The following GBF1 variants were observed in gnomAD, a reference collection of about 807,000 sequenced individuals.
The protein encoded by GBF1 is Golgi-specific brefeldin A-resistance guanine nucleotide exchange factor 1.
Under a neutral mutation model 210.5 loss-of-function variants are expected in GBF1, and 114 were observed. The observed-to-expected ratio is 0.54, with a 90% CI of 0.47 to 0.63. GBF1 has a LOEUF of 0.63. Ranked by LOEUF, GBF1 falls within the 30% of genes least tolerant of loss-of-function variation. The pLI is 0.00. For missense variants in GBF1, 1,851 were observed against 2,357.7 expected, an observed-to-expected ratio of 0.79 and a Z score of 4.45; for synonymous variants, 850 against 889.2, an observed-to-expected ratio of 0.96 and a Z score of 0.78.
At chr10:102,280,228 G>A (rs1412300656) in intron 3 of GBF1, among the ~76,000 whole-genome samples, 2 of 152,132 alleles carry the variant, frequency 1.3e-5, no homozygotes, top group African/African-American at 4.8e-5. Flanking sequence ...CTTGGGGATG[G>A]GGAGGCAAGG....
chr10:102,245,163 T>TC (rs2070698333), upstream of GBF1, among the ~76,000 whole-genome samples: 1 of 152,182 alleles, frequency 6.6e-6, no homozygotes, highest in African/African-American at 2.4e-5. Flanking sequence ...GCTCAAGTTC[T>TC]CAAAGCGGAC....
At chr10:102,298,189 TCCCAA>T (rs2077059812) in intron 3 of GBF1, among the ~76,000 whole-genome samples, 1 of 152,086 alleles carries the variant, frequency 6.6e-6, no homozygotes, top group African/African-American at 2.4e-5. Context: ...CGCCTCAGCC[TCCCAA>T]AGTGCTGAGA....
chr10:102,308,252 A>C (rs2078098078), intron 3 of GBF1, among the ~76,000 whole-genome samples: 1 of 152,054 alleles, frequency 6.6e-6, no homozygotes, highest in Non-Finnish European at 1.5e-5. Context: ...TCAGAAATAA[A>C]ATGGATAAGT....
rs779166066 is a variant in GBF1, at chr10:102,358,026, AT to A, written c.640-12del. On this transcript the variant is annotated splice_polypyrimidine_tract_variant and intron_variant, in intron 8 of 39. Transcript: ENST00000369983. Reference sequence around the variant, plus strand: ...GTTTGAATACCATTGCTAATGGGGTATGATATTTCCAGCTGAAAATGAGAGC... The same window carrying A: ...GTTTGAATACCATTGCTAATGGGGTAGATATTTCCAGCTGAAAATGAGAGC... The A allele has an allele frequency of 2.1e-5, 33 of 1,559,218 alleles. No homozygotes were observed. The highest frequency in any genetic ancestry group is 2.7e-5 in the Non-Finnish European group (31 of 1,130,018).
chr10:102,378,649 G>T (rs2060653934), intron 33 of GBF1, among the ~76,000 whole-genome samples: 1 of 151,834 alleles, frequency 6.6e-6, no homozygotes, highest in African/African-American at 2.4e-5. Context: ...AATAAAATAA[G>T]AAATAAAATT....
At chr10:102,286,861 A>G (rs2133563486) in intron 3 of GBF1, among the ~76,000 whole-genome samples, 1 of 133,120 alleles carries the variant, frequency 7.5e-6, no homozygotes, top group South Asian at 2.9e-4. Flanking sequence ...ATGTGAGACG[A>G]CACCCTTACA....
At chr10:102,306,414 T>C (rs1215140064) in intron 3 of GBF1, among the ~76,000 whole-genome samples, 1 of 152,148 alleles carries the variant, frequency 6.6e-6, no homozygotes, top group Non-Finnish European at 1.5e-5. Context: ...GGAGGGACTG[T>C]CTCTTTATTT....
At chr10:102,369,825 T>C (rs751945045) in intron 25 of GBF1, 36 bp from the exon 26 acceptor site, 17 of 1,614,070 alleles carry the variant, frequency 1.1e-5, no homozygotes, top group Non-Finnish European at 1.4e-5. Flanking sequence ...AGTCAGAACT[T>C]TGGGGCTCAC....
rs1222021330 is a variant in GBF1, at chr10:102,381,103, ATCTCAAT to A, written c.5174-19_5174-13del. 1 of 1,609,134 alleles carries A rather than the reference ATCTCAAT, an allele frequency of 6.2e-7. No homozygotes were observed. The highest frequency in any genetic ancestry group is 1.7e-5 in the Admixed American group (1 of 59,864). On this transcript the variant is annotated splice_polypyrimidine_tract_variant and intron_variant, in intron 38 of 39. Transcript: ENST00000369983. Reference sequence around the variant, plus strand: ...GAGAGAGAAAGCACTAAGAGGTGCCATCTCAATTCTCTACCGTCTCCAGACCCCATGC... The same window carrying A: ...GAGAGAGAAAGCACTAAGAGGTGCCATCTCTACCGTCTCCAGACCCCATGC...
intron 25 of GBF1, 43 bp downstream of exon 25, chr10:102,369,818 C>A: frequency 6.2e-7 from 1 of 1,614,024 alleles, no homozygotes; most frequent in South Asian, 1.1e-5. Context: ...GAGGGAGAGT[C>A]AGAACTTTGG....
chr10:102,285,133 G>A (rs1201716256), intron 3 of GBF1, among the ~76,000 whole-genome samples: 5 of 152,134 alleles, frequency 3.3e-5, no homozygotes, highest in Non-Finnish European at 5.9e-5. Context: ...AATAAACAGC[G>A]AACACAGATT....
In GBF1 at chr10:102,367,141, T is replaced by C. The variant is rs764288799; in HGVS notation, c.2490T>C (p.Ala830=). The C allele has an allele frequency of 6.2e-7, 1 of 1,613,954 alleles. No individual in the cohort carries two copies. The highest frequency in any genetic ancestry group is 1.7e-5 in the Admixed American group (1 of 60,020). The change falls in exon 20 of 40, where the codon GCT becomes GCC. Residue 830 remains alanine (A), a synonymous_variant. Transcript: ENST00000369983. The part of the protein sequence containing the change: ...NSDACFSLAY[A]VIMLNTDQHN... ...ATGCCTGCTTTTCCCTGGCCTATGC[T>C]GTCATCATGCTTAATACTGACCAGC...
At chr10:102,341,630 T>C (rs578198960) in intron 3 of GBF1, among the ~76,000 whole-genome samples, 3 of 152,322 alleles carry the variant, frequency 2.0e-5, no homozygotes, top group African/African-American at 4.8e-5. Flanking sequence ...GCTATTGATA[T>C]ATGCAATAGC....
At chr10:102,306,980 AAAGCCAGCC>A (rs2077939749) in intron 3 of GBF1, among the ~76,000 whole-genome samples, 1 of 152,330 alleles carries the variant, frequency 6.6e-6, no homozygotes, top group Non-Finnish European at 1.5e-5. Context: ...ATGACCATGG[AAAGCCAGCC>A]AAGAATCTCC....
At chr10:102,232,474 G>C in the GBF1 span, among the ~76,000 whole-genome samples, 2 of 152,294 alleles carry the variant, frequency 1.3e-5, no homozygotes, top group East Asian at 3.9e-4. Flanking sequence ...CCTGAGGTCA[G>C]GAGTTCGAGA....
intron 3 of GBF1, among the ~76,000 whole-genome samples, chr10:102,326,834 A>T (rs1255586066): frequency 6.6e-6 from 1 of 152,120 alleles, no homozygotes; most frequent in Non-Finnish European, 1.5e-5. Flanking sequence ...CATGTTGCAT[A>T]TATCAGTAGT....
intron 29 of GBF1, among the ~76,000 whole-genome samples, chr10:102,372,787 AG>A (rs1480545922): frequency 3.9e-5 from 6 of 152,202 alleles, no homozygotes; most frequent in African/African-American, 1.4e-4. Flanking sequence ...AATGGATCAT[AG>A]ATTTAAATGT....
intron 3 of GBF1, among the ~76,000 whole-genome samples, chr10:102,296,665 C>T (rs1396316297): frequency 6.6e-6 from 1 of 151,500 alleles, no homozygotes; most frequent in African/African-American, 2.4e-5. Context: ...TGCTTGAACC[C>T]GGGAGGTGGA....
intron 3 of GBF1, among the ~76,000 whole-genome samples, chr10:102,275,811 CTG>C (rs1449238991): frequency 6.6e-6 from 1 of 152,178 alleles, no homozygotes; most frequent in Non-Finnish European, 1.5e-5. Flanking sequence ...TTCAGTCCAC[CTG>C]GACAGAAGCA....
Sources: allele counts gnomAD v4.1 joint callset (sites outside exome capture counted in the v4.1 genomes callset), GRCh38; gene constraint gnomAD v4.1.1; transcripts MANE v1.5; gene names NCBI Gene and HGNC (gene_info 2026-07-23, HGNC 2026-07-21).